Variants in PLB1 observed in about 807,000 individuals in gnomAD.
The protein encoded by PLB1 is phospholipase B1.
In PLB1, 242 loss-of-function variants were observed where a neutral mutation model predicts 227.4. That is an observed-to-expected ratio of 1.06 (90% CI 0.96 to 1.18). The LOEUF (loss-of-function observed/expected upper bound fraction) is 1.18. Ranked by LOEUF, PLB1 falls within the 50% of genes most tolerant of loss-of-function variation. PLB1 has a pLI of 0.00. For missense variants in PLB1, 1,858 were observed against 1,816.3 expected, an observed-to-expected ratio of 1.02 and a Z score of -0.42; for synonymous variants, 757 against 682.2, an observed-to-expected ratio of 1.11 and a Z score of -1.71.
intron 16 of PLB1, 102 bp from the exon 17 acceptor site, chr2:28,552,826 C>CT (rs1674458198): frequency 3.2e-6 from 3 of 926,180 alleles, no homozygotes; most frequent in Non-Finnish European, 5.3e-6. Context: ...CAAAGTTTTA[C>CT]TTTATCTTAA....
intron 1 of PLB1, among the ~76,000 whole-genome samples, chr2:28,500,386 AC>A (rs1666946412): frequency 6.6e-6 from 1 of 152,166 alleles, no homozygotes; most frequent in African/African-American, 2.4e-5. Flanking sequence ...TTGTGAAGGT[AC>A]CTGCCCCATG....
chr2:28,525,477 C>T (rs1236820832), intron 5 of PLB1, among the ~76,000 whole-genome samples, 170 bp downstream of exon 5: 3 of 152,150 alleles, frequency 2.0e-5, no homozygotes, highest in Non-Finnish European at 2.9e-5. Flanking sequence ...CTCCTGCCTC[C>T]TTGTCTAACC....
At chr2:28,616,527 G>A (rs1355775809) in intron 44 of PLB1, among the ~76,000 whole-genome samples, 1 of 152,236 alleles carries the variant, frequency 6.6e-6, no homozygotes, top group East Asian at 1.9e-4. Context: ...TGGGTGTGGT[G>A]CATGGTTCTT....
rs1679364898 is a variant in PLB1 at position 28,578,440 on chromosome 2, G to C, written c.1485+282G>C. Among the ~76,000 whole-genome samples, 2 of 152,146 alleles carry C rather than the reference G, an allele frequency of 1.3e-5. 1 individual carries two copies. Among genetic ancestry groups the C allele is most frequent in the South Asian group, 4.1e-4 (2 of 4,822 alleles). ...GCTTGGAAGCGGAGACCAATGTGAA[G>C]AATCAAATTATAAAACAGTTGCCAC... On this transcript the variant is annotated intron_variant, in intron 22 of 57. Coordinates refer to ENST00000327757, the MANE Select transcript of PLB1 (RefSeq NM_153021.5).
intron 41 of PLB1, 131 bp from the exon 42 acceptor site, chr2:28,605,722 T>C: frequency 1.4e-6 from 1 of 692,310 alleles, no homozygotes; most frequent in South Asian, 1.8e-5. Flanking sequence ...GAATGGGCCC[T>C]GTGGTGGCTG....
At chr2:28,527,188 A>AATCG (rs1572760378) in intron 6 of PLB1, among the ~76,000 whole-genome samples, 2 of 152,102 alleles carry the variant, frequency 1.3e-5, no homozygotes, top group East Asian at 3.9e-4. Flanking sequence ...AGTTCGTCTC[A>AATCG]ATTTTTCCTC....
Position 28,541,730 on chromosome 2 carries a change from C to A in PLB1, c.798C>A (p.Ala266=), listed in dbSNP as rs1672513836. The A allele has an allele frequency of 2.5e-6, 4 of 1,613,898 alleles. No individual in the cohort carries two copies. The highest frequency in any genetic ancestry group is 2.2e-5 in the South Asian group (2 of 91,088). The change falls in exon 13 of 58, where the codon GCC becomes GCA. Residue 266 remains alanine (A), a synonymous_variant. Coordinates refer to ENST00000327757, the MANE Select transcript of PLB1 (RefSeq NM_153021.5). ...SYQEAWNSLL[A]SSRYSEQESF... ...AGGAAGCCTGGAACAGCCTCCTGGC[C>A]TCCAGCAGGTACAGTGAGCAGGAGT...
intron 43 of PLB1, among the ~76,000 whole-genome samples, chr2:28,613,137 C>T (rs1685719047): frequency 1.3e-5 from 2 of 152,044 alleles, no homozygotes; most frequent in Admixed American, 1.3e-4. Context: ...GCTTCCCAAG[C>T]TGGTATTAAA....
intron 6 of PLB1, among the ~76,000 whole-genome samples, chr2:28,526,704 G>A (rs1558671992): frequency 2.6e-5 from 4 of 152,172 alleles, no homozygotes; most frequent in South Asian, 2.1e-4. Flanking sequence ...GCAAGAAGAC[G>A]TAGATTACAA....
At chr2:28,595,697 C>T (rs1450427938) in intron 33 of PLB1, 3 of 151,924 alleles carry the variant, frequency 2.0e-5, no homozygotes, top group Non-Finnish European at 4.4e-5. Flanking sequence ...ATTTTTGAGC[C>T]GTTAAAGCTT....
chr2:28,563,525 A>C (rs931113348), intron 18 of PLB1, among the ~76,000 whole-genome samples: 3 of 141,404 alleles, frequency 2.1e-5, no homozygotes, highest in African/African-American at 7.8e-5. Flanking sequence ...TACCAGGAAG[A>C]GAGGTGAAGA....
At chr2:28,594,571 G>A in intron 33 of PLB1, 1 of 139,266 alleles carries the variant, frequency 7.2e-6, no homozygotes, top group Non-Finnish European at 1.6e-5. Context: ...GTGACAGGGA[G>A]CAGGGAGGGG....
At chr2:28,618,443 G>GGC in intron 46 of PLB1, 44 bp downstream of exon 46, 4 of 1,580,398 alleles carry the variant, frequency 2.5e-6, no homozygotes, top group Non-Finnish European at 3.5e-6. Context: ...TCAGAGTCCA[G>GGC]CCAGGCCCTG....
Position 28,518,506 on chromosome 2 carries a change from T to A in PLB1, c.158T>A (p.Leu53Ter). The stretch of plus-strand genomic sequence containing the variant: ...CCATTCCCATGCAACCCAAATAAAT[T>A]AGGAGTGAATATGCCTTCTAAATCA... ...NSPFPCNPNK[L>*]GVNMPSKSVH... The change falls in exon 3 of 58, where the codon TTA (leucine) becomes TAA (stop). Residue 53 changes from leucine to a stop codon, truncating the protein, a stop_gained. Coordinates refer to ENST00000327757, the MANE Select transcript of PLB1 (RefSeq NM_153021.5). LOFTEE classifies it high-confidence loss of function. 1 of 1,613,068 alleles carries A rather than the reference T, an allele frequency of 6.2e-7. No homozygotes were observed. The highest frequency in any genetic ancestry group is 1.3e-5 in the African/African-American group (1 of 75,020).
At chr2:28,597,865 A>G in intron 33 of PLB1, 140 bp from the exon 34 acceptor site, 1 of 795,374 alleles carries the variant, frequency 1.3e-6, no homozygotes, top group Non-Finnish European at 2.2e-6. Flanking sequence ...GAATTCCTCA[A>G]ACTCAGAGAT....
intron 13 of PLB1, among the ~76,000 whole-genome samples, chr2:28,542,293 CT>C (rs1319292669): frequency 6.6e-6 from 1 of 152,174 alleles, no homozygotes; most frequent in Non-Finnish European, 1.5e-5. Flanking sequence ...CCATATTATA[CT>C]TTCCTGTACA....
chr2:28,589,488 C>T lies in PLB1; in HGVS notation c.1854C>T (p.Asp618=), dbSNP rs1371494543. 6.2e-7 allele frequency: 1 copy of T among 1,614,160 alleles called. No individual in the cohort carries two copies. Among genetic ancestry groups the T allele is most frequent in the Non-Finnish European group, 8.5e-7 (1 of 1,180,042 alleles). ...AACTGATTGAGAGTGGGCGATATGA[C>T]ACAAGGGAAGATTTTACTGTGGTTG... The part of the protein sequence containing the change: ...THQLIESGRY[D]TREDFTVVVQ... The change falls in exon 27 of 58, where the codon GAC becomes GAT. Residue 618 remains aspartate, a synonymous_variant. Coordinates refer to ENST00000327757, the MANE Select transcript of PLB1 (RefSeq NM_153021.5).
rs150110584 is a variant in PLB1 at position 28,623,632 on chromosome 2, C to T, written c.3528-1425C>T. Among the ~76,000 whole-genome samples the T allele has an allele frequency of 2.2e-3, 333 of 151,062 alleles. 1 individual carries two copies. The highest frequency in any genetic ancestry group is 7.7e-3 in the African/African-American group (310 of 40,422). On this transcript the variant is annotated intron_variant, in intron 49 of 57. Transcript: ENST00000327757. ...GTGTTTGGCCACGTACCTAGCTTAC[C>T]GTGGCCACCCAAAGATTTTCAGTGG...
rs1684384676 is a variant in PLB1 at position 28,604,597 on chromosome 2, C to T, written c.2857-58C>T. On this transcript the variant is annotated intron_variant, in intron 40 of 57. Transcript: ENST00000327757. ...CTGCCCACCACCCCTACTCTTGCCT[C>T]ACTGGGTCCTGGGCCCACCCAGGGC... is the stretch of plus-strand genomic sequence containing the variant. 4.1e-6 allele frequency: 6 copies of T among 1,448,178 alleles called. No individual in the cohort carries two copies. In the South Asian group the frequency reaches 5.9e-5, roughly 14 times the overall value. The allele number at this position is 1,448,178 out of a possible 1,614,324, so 89.7% of individuals were successfully genotyped here.
Sources: gnomAD v4.1 joint callset for allele counts (sites outside exome capture counted in the v4.1 genomes callset) on GRCh38, gnomAD v4.1.1 for gene constraint, MANE v1.5 for transcripts, NCBI Gene and HGNC (gene_info 2026-07-23, HGNC 2026-07-21) for gene names.